The following AUNIP variants were observed in gnomAD, a reference collection of about 807,000 sequenced individuals.
AUNIP encodes aurora kinase A- and ninein-interacting protein.
Under a neutral mutation model 12.2 loss-of-function variants are expected in AUNIP, and 16 were observed. That is an observed-to-expected ratio of 1.31 (90% CI 0.88 to 1.99). The LOEUF (loss-of-function observed/expected upper bound fraction) is 1.99, where lower values mean the gene tolerates loss of function less well. Among genes scored for constraint, AUNIP ranks in the 30% most tolerant of loss-of-function variants. AUNIP has a pLI of 0.00. For synonymous variants in AUNIP, 142 were observed against 154.8 expected (o/e 0.92, Z 0.61); for missense variants, 411 against 419.1 (o/e 0.98, Z 0.17).
intron 1 of AUNIP, among the ~76,000 whole-genome samples, chr1:25,849,438 A>C (rs868282947): frequency 1.1e-4 from 17 of 152,292 alleles, no homozygotes; most frequent in Middle Eastern, 3.4e-3. Flanking sequence ...CCAGGCCCAG[A>C]AAATCACTTA....
chr1:25,857,585 A>G (rs61775030), intron 1 of AUNIP, among the ~76,000 whole-genome samples: 131,696 of 151,074 alleles, frequency 0.87, 57,831 homozygotes, highest in East Asian at 1. Context: ...ACAATCGGCC[A>G]GGCACGGTAG....
intron 1 of AUNIP, among the ~76,000 whole-genome samples, chr1:25,858,228 G>A (rs2048478729): frequency 6.6e-6 from 1 of 152,110 alleles, no homozygotes; most frequent in South Asian, 2.1e-4. Flanking sequence ...ATAAAACCAG[G>A]ATAATGACAA....
At position 25,834,144 on chromosome 1, in the gene AUNIP, A is replaced by G. The variant is rs1194003415; in HGVS notation, c.*849T>C. On this transcript the variant is annotated 3_prime_UTR_variant, in exon 3 of 3. Coordinates refer to ENST00000374298, the MANE Select transcript of AUNIP (RefSeq NM_024037.3). The stretch of plus-strand genomic sequence containing the variant: ...AGGGAGATATTTAAACATAGAGTAT[A>G]TAACTTTAAAGTGCTGTACAGTTAC... The G allele has an allele frequency of 2.1e-5, 21 of 985,090 alleles. No individual in the cohort carries two copies. Among genetic ancestry groups the G allele is most frequent in the Non-Finnish European group, 2.5e-5 (21 of 829,758 alleles). The allele number at this position is 985,090 out of a possible 1,614,324, so 61.0% of individuals were successfully genotyped here. A position where few individuals can be genotyped will look rare whatever the true frequency, so the allele number is the denominator to read the frequency against.
At chr1:25,855,679 G>C (rs918663918) in intron 1 of AUNIP, among the ~76,000 whole-genome samples, 1 of 152,000 alleles carries the variant, frequency 6.6e-6, no homozygotes, top group African/African-American at 2.4e-5. Flanking sequence ...GAGATCAAGG[G>C]GGAAGAGGCA....
chr1:25,833,674 C>A (rs1008071997), downstream of AUNIP, among the ~76,000 whole-genome samples: 4 of 151,684 alleles, frequency 2.6e-5, no homozygotes, highest in African/African-American at 9.7e-5. Context: ...GAATCACTTG[C>A]GCCCAGGAGG....
Position 25,835,268 on chromosome 1 carries a change from TA to T in AUNIP, c.798del (p.Ser267ValfsTer43). 3.1e-6 allele frequency: 5 copies of T among 1,614,246 alleles called. No individual in the cohort carries two copies. Among genetic ancestry groups the T allele is most frequent in the Non-Finnish European group, 4.2e-6 (5 of 1,180,028 alleles). On this transcript the variant is annotated frameshift_variant, in exon 3 of 3. Coordinates refer to ENST00000374298, the MANE Select transcript of AUNIP (RefSeq NM_024037.3). LOFTEE classifies it high-confidence loss of function. Reference protein sequence around the residue: ...GENIESVKQSRSPVSVFSWDN... With the variant: ...GENIESVKQSXSPVSVFSWDN... ...TCCCAGGAAAACACAGAAACTGGAC[TA>T]CGGCTTTGTTTCACTGATTCTATGT... is the stretch of plus-strand genomic sequence containing the variant.
At position 25,834,532 on chromosome 1, in the gene AUNIP, G is replaced by A. The variant is rs545822080; in HGVS notation, c.*461C>T. On this transcript the variant is annotated 3_prime_UTR_variant, in exon 3 of 3. Transcript: ENST00000374298. ...TTCGGGAGGCTGAGGCAGGAGAATC[G>A]CTTGAATCCGGGAGACAGAGGGTGC... is the stretch of plus-strand genomic sequence containing the variant. The A allele has an allele frequency of 2.5e-5, 20 of 793,606 alleles. No homozygotes were observed. Among genetic ancestry groups the A allele is most frequent in the East Asian group, 2.6e-4 (2 of 7,838 alleles). The allele number at this position is 793,606 out of a possible 1,614,324, so 49.2% of individuals were successfully genotyped here. A position where few individuals can be genotyped will look rare whatever the true frequency, so the allele number is the denominator to read the frequency against.
intron 1 of AUNIP, among the ~76,000 whole-genome samples, chr1:25,852,448 G>GTTTTTTTTTTT: frequency 7.4e-6 from 1 of 134,944 alleles, no homozygotes; most frequent in Non-Finnish European, 1.6e-5. Flanking sequence ...ATTATTTAAG[G>GTTTTTTTTTTT]TTTTTTTTTT....
At chr1:25,840,575 A>G (rs2048341474) in intron 1 of AUNIP, among the ~76,000 whole-genome samples, 1 of 152,220 alleles carries the variant, frequency 6.6e-6, no homozygotes, top group Non-Finnish European at 1.5e-5. Flanking sequence ...CACTCTTCCC[A>G]TCAAGTGTTA....
intron 1 of AUNIP, among the ~76,000 whole-genome samples, chr1:25,853,306 A>G (rs1281858893): frequency 6.6e-6 from 1 of 152,224 alleles, no homozygotes; most frequent in Non-Finnish European, 1.5e-5. Flanking sequence ...GCTTAAAACA[A>G]TAAACATTCG....
Position 25,834,488 on chromosome 1 carries a change from A to C in AUNIP, c.*505T>G, listed in dbSNP as rs2048281975. 5.6e-5 allele frequency: 40 copies of C among 710,476 alleles called. No individual in the cohort carries two copies. Among genetic ancestry groups the C allele is most frequent in the Non-Finnish European group, 6.9e-5 (40 of 579,244 alleles). The allele number at this position is 710,476 out of a possible 1,614,324, so 44.0% of individuals were successfully genotyped here. A position where few individuals can be genotyped will look rare whatever the true frequency, so the allele number is the denominator to read the frequency against. On this transcript the variant is annotated 3_prime_UTR_variant, in exon 3 of 3. Coordinates refer to ENST00000374298, the MANE Select transcript of AUNIP (RefSeq NM_024037.3). The stretch of plus-strand genomic sequence containing the variant: ...AAAAATTAGCTGGGCGTGGTGGCGC[A>C]TGCCTGTAGTCCCTGCTATTCGGGA...
chr1:25,833,522 C>T (rs2048272061), downstream of AUNIP, among the ~76,000 whole-genome samples: 1 of 151,088 alleles, frequency 6.6e-6, no homozygotes, highest in Non-Finnish European at 1.5e-5. Context: ...GTGGCTCACA[C>T]CTCTAATCAC....
At chr1:25,857,160 C>T (rs1299242031) in intron 1 of AUNIP, among the ~76,000 whole-genome samples, 1 of 152,072 alleles carries the variant, frequency 6.6e-6, no homozygotes, top group Non-Finnish European at 1.5e-5. Context: ...GTTTCCCACG[C>T]ATCCCATGTC....
chr1:25,840,752 CTCAA>C (rs1311168628), intron 1 of AUNIP, among the ~76,000 whole-genome samples: 1 of 152,168 alleles, frequency 6.6e-6, no homozygotes, highest in Non-Finnish European at 1.5e-5. Flanking sequence ...TTGGGACCAA[CTCAA>C]TACATTTGAG....
At chr1:25,858,549 G>T (rs1194456842) in intron 1 of AUNIP, among the ~76,000 whole-genome samples, 1 of 152,220 alleles carries the variant, frequency 6.6e-6, no homozygotes, top group African/African-American at 2.4e-5. Flanking sequence ...AAACATGAAT[G>T]ATTATTATGT....
chr1:25,833,944 T>TA (rs1394081968), downstream of AUNIP: 1 of 835,356 alleles, frequency 1.2e-6, no homozygotes, highest in African/African-American at 1.8e-5. Flanking sequence ...CATATACTAT[T>TA]ACAGTGTTGC....
At chr1:25,838,039 G>A (rs1185044837) in intron 1 of AUNIP, among the ~76,000 whole-genome samples, 5 of 147,168 alleles carry the variant, frequency 3.4e-5, no homozygotes, top group Admixed American at 1.4e-4. Context: ...AGGAGTTCGA[G>A]ACTAGCCTGA....
In AUNIP at chr1:25,837,479, G is replaced by C. The variant is rs760826340; in HGVS notation, c.154C>G (p.Gln52Glu). 3.1e-6 allele frequency: 5 copies of C among 1,614,004 alleles called. No homozygotes were observed. The South Asian group carries it at 3.3e-5, about 11-fold the overall frequency. ...ATGCCTGTAGATGGAGCTCTTCTTTGAGTAAAATAAATATTAGCCTTTCTT... is the reference window on the plus strand; with the variant it reads ...ATGCCTGTAGATGGAGCTCTTCTTTCAGTAAAATAAATATTAGCCTTTCTT... Reference protein sequence around the residue: ...GERKANIYFTQRRAPSTGIHQ... With the variant: ...GERKANIYFTERRAPSTGIHQ... Residue 52 changes from glutamine to glutamate, a missense_variant, in exon 2 of 3, where the codon CAA (glutamine) becomes GAA (glutamate). Transcript: ENST00000374298.
downstream of AUNIP, among the ~76,000 whole-genome samples, chr1:25,833,342 C>T (rs2048270677): frequency 6.6e-6 from 1 of 151,974 alleles, no homozygotes; most frequent in African/African-American, 2.4e-5. Context: ...TCTTAAACTC[C>T]TGGTCTCAAG....
Sources: allele counts gnomAD v4.1 joint callset (sites outside exome capture counted in the v4.1 genomes callset), GRCh38; gene constraint gnomAD v4.1.1; transcripts MANE v1.5; gene names NCBI Gene and HGNC (gene_info 2026-07-23, HGNC 2026-07-21).